Variants in MACO1 observed in about 807,000 individuals in gnomAD.
MACO1 encodes the protein macoilin.
A neutral mutation model predicts 78.7 loss-of-function variants in MACO1; 14 were observed. The ratio of observed to expected loss-of-function variants is 0.18; its 90% CI spans 0.12 to 0.28. The LOEUF is 0.28. MACO1 is among the 10% of genes least tolerant of loss of function. The pLI is 1.00. For missense variants in MACO1, 501 were observed against 799.0 expected, an observed-to-expected ratio of 0.63 and a Z score of 4.50; for synonymous variants, 288 against 291.6, an observed-to-expected ratio of 0.99 and a Z score of 0.12.
At chr1:25,471,352 A>G (rs1017629768) in intron 6 of MACO1, among the ~76,000 whole-genome samples, 5 of 151,968 alleles carry the variant, frequency 3.3e-5, no homozygotes, top group African/African-American at 4.8e-5. Context: ...AAAAAAAAAA[A>G]AAAGAAAGAA....
intron 6 of MACO1, among the ~76,000 whole-genome samples, chr1:25,473,682 G>A (rs761784965): frequency 3.3e-5 from 5 of 152,136 alleles, no homozygotes; most frequent in Non-Finnish European, 7.4e-5. Flanking sequence ...GGTTAGGGGT[G>A]GATTCCCTGA....
intron 6 of MACO1, among the ~76,000 whole-genome samples, chr1:25,463,316 G>C (rs2043187883): frequency 6.6e-6 from 1 of 152,186 alleles, no homozygotes; most frequent in South Asian, 2.1e-4. Context: ...AGATTGCTAA[G>C]GTAAAGAAAT....
chr1:25,474,643 G>T lies in MACO1; in HGVS notation c.1155-9473G>T, dbSNP rs553603354. ...AGGGGACAGCCTTGTGATAAGGGTG[G>T]TTTGGGGCCTTCTGGCATTCCTCAA... On this transcript the variant is annotated intron_variant, in intron 6 of 10. Coordinates refer to ENST00000374343, the MANE Select transcript of MACO1 (RefSeq NM_018202.6). Among the ~76,000 whole-genome samples, 6 of 152,322 alleles carry T rather than the reference G, an allele frequency of 3.9e-5. No homozygotes were observed. The East Asian group carries it at 1.2e-3, about 29-fold the overall frequency.
chr1:25,477,244 C>G (rs72871917), intron 6 of MACO1, among the ~76,000 whole-genome samples: 1 of 152,114 alleles, frequency 6.6e-6, no homozygotes, highest in African/African-American at 2.4e-5. Context: ...TTTAACTGAG[C>G]CTTGAAGAAT....
chr1:25,452,785 C>T (rs2043078963), intron 3 of MACO1, among the ~76,000 whole-genome samples: 2 of 151,472 alleles, frequency 1.3e-5, no homozygotes, highest in Admixed American at 1.3e-4. Flanking sequence ...CAACCTCCGC[C>T]TCCTGGGTTC....
At chr1:25,440,401 C>T (rs12124418) in intron 1 of MACO1, among the ~76,000 whole-genome samples, 1 of 129,942 alleles carries the variant, frequency 7.7e-6, no homozygotes, top group Non-Finnish European at 1.6e-5. Flanking sequence ...GACCCCAGTT[C>T]TGGGAAAAAA....
Position 25,485,397 on chromosome 1 carries a change from T to TA in MACO1, c.1314-214dup, listed in dbSNP as rs2043420603. On this transcript the variant is annotated intron_variant, in intron 7 of 10. Coordinates refer to ENST00000374343, the MANE Select transcript of MACO1 (RefSeq NM_018202.6). The surrounding 1 kb of genome is among the most constrained non-coding windows in gnomAD (Gnocchi z 4.3). The stretch of plus-strand genomic sequence containing the variant: ...CTTGAACAGAGCAGAGGCTAGGTCT[T>TA]AATCTCTGTTTTGTAAGGCAGCTTG... Among the ~76,000 whole-genome samples the TA allele has an allele frequency of 6.6e-6, 1 of 152,208 alleles. No homozygotes were observed. The highest frequency in any genetic ancestry group is 2.4e-5 in the African/African-American group (1 of 41,462).
intron 3 of MACO1, 108 bp from the exon 4 acceptor site, chr1:25,454,151 G>A (rs1333607216): frequency 7.9e-7 from 1 of 1,270,632 alleles, no homozygotes; most frequent in Non-Finnish European, 1.0e-6. Context: ...TTTAGTTTAG[G>A]TGAAGGTCTT....
chr1:25,431,321 C>G, intron 1 of MACO1, 143 bp downstream of exon 1: 2 of 357,004 alleles, frequency 5.6e-6, no homozygotes, highest in Non-Finnish European at 4.5e-6. Flanking sequence ...CCCGGAGCCG[C>G]TGGCCCGCCC....
rs754939657 is a variant in MACO1 at position 25,452,931 on chromosome 1, G to A, written c.350-1328G>A. 6.6e-4 allele frequency among the ~76,000 whole-genome samples: 99 copies of A among 150,966 alleles called. 1 individual carries two copies. The highest frequency in any genetic ancestry group is 1.2e-3 in the Non-Finnish European group (84 of 67,884). On this transcript the variant is annotated intron_variant, in intron 3 of 10. Coordinates refer to ENST00000374343, the MANE Select transcript of MACO1 (RefSeq NM_018202.6). ...AGGCTGGTCTTGAACTCCTGACCTC[G>A]TGATCCACCCACCTTGGCCTCCCAA...
At chr1:25,497,380 CA>C (rs66898111) in intron 10 of MACO1, among the ~76,000 whole-genome samples, 336 of 126,462 alleles carry the variant, frequency 2.7e-3, no homozygotes, top group African/African-American at 4.8e-3. Flanking sequence ...AACTCCATCT[CA>C]AAAAAAAAAA....
chr1:25,476,813 C>T (rs1250931782), intron 6 of MACO1, among the ~76,000 whole-genome samples: 2 of 152,152 alleles, frequency 1.3e-5, no homozygotes, highest in Non-Finnish European at 2.9e-5. Context: ...AGCAAATGCC[C>T]ACTTACCCCT....
chr1:25,450,635 T>C (rs957140805), intron 3 of MACO1, among the ~76,000 whole-genome samples: 10 of 152,218 alleles, frequency 6.6e-5, no homozygotes, highest in Non-Finnish European at 8.8e-5. Flanking sequence ...GAGCTGTATT[T>C]TTTAAAGTAT....
intron 6 of MACO1, among the ~76,000 whole-genome samples, chr1:25,461,280 G>A (rs149597770): frequency 0.014 from 2,112 of 151,924 alleles, 41 homozygotes; most frequent in African/African-American, 0.047. Context: ...GTTAATGGGT[G>A]CAGCACACCA....
At chr1:25,496,485 T>C (rs1283008199) in intron 10 of MACO1, among the ~76,000 whole-genome samples, 1 of 152,210 alleles carries the variant, frequency 6.6e-6, no homozygotes, top group Non-Finnish European at 1.5e-5. Context: ...CTAAGTGTTC[T>C]AAGTGCTTTT....
At chr1:25,495,854 C>T (rs1430497734) in intron 10 of MACO1, among the ~76,000 whole-genome samples, 1 of 152,096 alleles carries the variant, frequency 6.6e-6, no homozygotes, top group African/African-American at 2.4e-5. Context: ...CCCAGCTACT[C>T]GGGAGGCTGA....
chr1:25,443,631 C>T (rs543027608), intron 1 of MACO1, among the ~76,000 whole-genome samples: 63 of 152,228 alleles, frequency 4.1e-4, no homozygotes, highest in Non-Finnish European at 7.9e-4. Context: ...TTTTGAACTA[C>T]GTTAGTTTTA....
rs1401404008 is a variant in MACO1, at chr1:25,456,592, C to T, written c.474-61C>T. On this transcript the variant is annotated intron_variant, in intron 4 of 10. Transcript: ENST00000374343. Reference sequence around the variant, plus strand: ...TTTAAGCCATAGGTATTCTCATGTGCTTGAGGCACATGTGGTTCATTTTAA... The same window carrying T: ...TTTAAGCCATAGGTATTCTCATGTGTTTGAGGCACATGTGGTTCATTTTAA... 1.9e-5 allele frequency: 29 copies of T among 1,548,342 alleles called. No individual in the cohort carries two copies. The East Asian group carries it at 6.6e-4, about 35-fold the overall frequency.
At chr1:25,436,016 C>T (rs1571946344) in intron 1 of MACO1, among the ~76,000 whole-genome samples, 1 of 152,134 alleles carries the variant, frequency 6.6e-6, no homozygotes, top group Non-Finnish European at 1.5e-5. Flanking sequence ...CAGGAGAGAA[C>T]GTGATTCACT....
Sources: allele counts gnomAD v4.1 joint callset (sites outside exome capture counted in the v4.1 genomes callset), GRCh38; gene constraint gnomAD v4.1.1; non-coding constraint Gnocchi (gnomAD v3.1); transcripts MANE v1.5; gene names NCBI Gene and HGNC (gene_info 2026-07-23, HGNC 2026-07-21).